The following MGAT4C variants were observed in gnomAD, a reference collection of about 807,000 sequenced individuals.
The protein encoded by MGAT4C is alpha-1,3-mannosyl-glycoprotein 4-beta-N-acetylglucosaminyltransferase C.
Under a neutral mutation model 40.1 loss-of-function variants are expected in MGAT4C, and 19 were observed. The observed-to-expected ratio is 0.47, with a 90% CI of 0.33 to 0.70. The LOEUF (loss-of-function observed/expected upper bound fraction) is 0.70, where lower values mean the gene tolerates loss of function less well. Among genes scored for constraint, MGAT4C ranks in the 30% least tolerant of loss-of-function variants. The pLI, the probability that MGAT4C is intolerant of heterozygous loss-of-function variation, is 0.02. For missense variants in MGAT4C, 491 were observed against 563.2 expected, an observed-to-expected ratio of 0.87 and a Z score of 1.30; for synonymous variants, 181 against 187.1, an observed-to-expected ratio of 0.97 and a Z score of 0.27.
chr12:86,560,770 T>C (rs894852178), intron 2 of MGAT4C, among the ~76,000 whole-genome samples: 1 of 152,172 alleles, frequency 6.6e-6, no homozygotes, highest in East Asian at 1.9e-4. Context: ...TTAAACATAT[T>C]ACTTACTGAA....
intron 1 of MGAT4C, among the ~76,000 whole-genome samples, chr12:86,152,987 T>C (rs919450172): frequency 6.6e-6 from 1 of 152,154 alleles, no homozygotes; most frequent in Admixed American, 6.6e-5. Context: ...GTCCTACCAA[T>C]AATATTACAC....
intron 4 of MGAT4C, among the ~76,000 whole-genome samples, chr12:86,294,705 G>A (rs1388786036): frequency 6.6e-6 from 1 of 152,118 alleles, no homozygotes; most frequent in African/African-American, 2.4e-5. Flanking sequence ...AATACTTTTA[G>A]TTTCCCAGTT....
chr12:86,072,017 C>T (rs923862340), intron 1 of MGAT4C, among the ~76,000 whole-genome samples: 5 of 109,508 alleles, frequency 4.6e-5, no homozygotes, highest in Non-Finnish European at 8.9e-5. Context: ...GCAGTTAATG[C>T]ATAGGGTTTT....
intron 1 of MGAT4C, among the ~76,000 whole-genome samples, chr12:86,253,468 G>C (rs1246705458): frequency 1.3e-5 from 2 of 151,914 alleles, no homozygotes; most frequent in Non-Finnish European, 2.9e-5. Flanking sequence ...TTGGCAACAA[G>C]TTACGAATTA....
intron 3 of MGAT4C, among the ~76,000 whole-genome samples, chr12:86,355,818 A>G (rs954321236): frequency 1.3e-5 from 2 of 152,200 alleles, no homozygotes; most frequent in African/African-American, 2.4e-5. Flanking sequence ...ATGACAAAAT[A>G]AAAACAACAG....
Position 85,974,730 on chromosome 12 carries a change from G to T in MGAT4C, c.*4559C>A, listed in dbSNP as rs1883844274. 1 of 150,556 alleles carries T rather than the reference G, an allele frequency of 6.6e-6. No homozygotes were observed. The highest frequency in any genetic ancestry group is 1.5e-5 in the Non-Finnish European group (1 of 66,960). 9.3% of individuals were successfully genotyped at this position (150,556 alleles called of 1,614,324 possible). ...GCAATAACTAATCACATTGAATTTT[G>T]TTATGGCCTTTTTCTTCCTAAAAAG... On this transcript the variant is annotated 3_prime_UTR_variant, in exon 5 of 5. Coordinates refer to ENST00000611864, the MANE Select transcript of MGAT4C (RefSeq NM_001351288.2).
chr12:86,023,746 T>G (rs892493406), intron 2 of MGAT4C, among the ~76,000 whole-genome samples: 2 of 151,586 alleles, frequency 1.3e-5, no homozygotes, highest in Non-Finnish European at 3.0e-5. Context: ...TTCATGAACT[T>G]ACTGAAATTG....
intron 2 of MGAT4C, among the ~76,000 whole-genome samples, chr12:86,508,281 T>C (rs1958507806): frequency 1.3e-5 from 2 of 152,062 alleles, no homozygotes; most frequent in South Asian, 4.1e-4. Context: ...ATTGTTCAAT[T>C]CCCACCTATG....
chr12:86,098,679 T>C (rs1165606720), intron 1 of MGAT4C, among the ~76,000 whole-genome samples: 1 of 151,628 alleles, frequency 6.6e-6, no homozygotes, highest in African/African-American at 2.4e-5. Context: ...CATAGATCTT[T>C]TAAAAATATA....
At chr12:86,123,129 A>G (rs528701043) in intron 1 of MGAT4C, among the ~76,000 whole-genome samples, 1 of 152,256 alleles carries the variant, frequency 6.6e-6, no homozygotes, top group Non-Finnish European at 1.5e-5. Context: ...CCCAGAAATT[A>G]CTTTCCAGTG....
rs559598676 is a variant in MGAT4C at position 86,171,309 on chromosome 12, C to T, written c.-57+84930G>A. ...GCTTGAACCCAGGAGGCAGAGGTTG[C>T]GGTGAGCTGAGATTGTACCATTGCA... On this transcript the variant is annotated intron_variant, in intron 1 of 4. Coordinates refer to ENST00000611864, the MANE Select transcript of MGAT4C (RefSeq NM_001351288.2). Among the ~76,000 whole-genome samples the T allele has an allele frequency of 1.5e-4, 23 of 152,038 alleles. No individual in the cohort carries two copies. The East Asian group carries it at 4.1e-3, about 27-fold the overall frequency.
At chr12:86,102,710 A>G (rs1193278188) in intron 1 of MGAT4C, among the ~76,000 whole-genome samples, 1 of 152,142 alleles carries the variant, frequency 6.6e-6, no homozygotes, top group Non-Finnish European at 1.5e-5. Context: ...TCATTCTAAT[A>G]TAATTATTCT....
At chr12:86,650,007 A>AT (rs1963651733) in intron 2 of MGAT4C, among the ~76,000 whole-genome samples, 1 of 151,882 alleles carries the variant, frequency 6.6e-6, no homozygotes, top group African/African-American at 2.4e-5. Context: ...AAAAAAGTCA[A>AT]GGTTTGCTAA....
Position 86,448,617 on chromosome 12 carries a change from G to A in MGAT4C, c.-228-13352C>T, listed in dbSNP as rs112080512. On this transcript the variant is annotated intron_variant, in intron 2 of 7. Transcript: ENST00000548651. ...CCTATAATTAAACCTGCTGAATGGA[G>A]GGTGCTCAATGAATTATTTTTGAAG... Among the ~76,000 whole-genome samples the A allele has an allele frequency of 6.7e-3, 1,018 of 152,208 alleles. 11 individuals are homozygous for A. Among genetic ancestry groups the A allele is most frequent in the African/African-American group, 0.023 (971 of 41,536 alleles).
At chr12:86,370,518 A>G (rs1955694890) in intron 3 of MGAT4C, among the ~76,000 whole-genome samples, 1 of 152,042 alleles carries the variant, frequency 6.6e-6, no homozygotes. Context: ...TATCTTTTTT[A>G]TTCTACTAAG....
intron 2 of MGAT4C, among the ~76,000 whole-genome samples, chr12:86,475,779 T>A (rs984169456): frequency 6.6e-6 from 1 of 152,092 alleles, no homozygotes; most frequent in Non-Finnish European, 1.5e-5. Context: ...TTTGAATATA[T>A]CTGCTATAAA....
chr12:86,625,391 C>T (rs1341631730), intron 2 of MGAT4C, among the ~76,000 whole-genome samples: 1 of 151,972 alleles, frequency 6.6e-6, no homozygotes, highest in African/African-American at 2.4e-5. Context: ...ATATTGTGCA[C>T]ATTGGAAAAT....
Position 86,787,113 on chromosome 12 carries a change from G to A in MGAT4C, c.-262+51553C>T, listed in dbSNP as rs560062307. Among the ~76,000 whole-genome samples, 16 of 152,154 alleles carry A rather than the reference G, an allele frequency of 1.1e-4. No homozygotes were observed. The South Asian group carries it at 3.1e-3, about 30-fold the overall frequency. On this transcript the variant is annotated intron_variant, in intron 1 of 7. Coordinates refer to the MGAT4C transcript ENST00000548651. ...TCAGTGCAAGCATCACCAAAGTAAT[G>A]CACATTGCATACATTATGTAATTTC...
intron 2 of MGAT4C, among the ~76,000 whole-genome samples, chr12:86,656,371 T>C (rs531407283): frequency 1.3e-5 from 2 of 151,452 alleles, no homozygotes; most frequent in African/African-American, 4.8e-5. Flanking sequence ...TTTTAGAGGG[T>C]TTATGATCAA....
Sources: gnomAD v4.1 joint callset for allele counts (sites outside exome capture counted in the v4.1 genomes callset) on GRCh38, gnomAD v4.1.1 for gene constraint, MANE v1.5 for transcripts, NCBI Gene and HGNC (gene_info 2026-07-23, HGNC 2026-07-21) for gene names.